TULP4: variants seen among roughly 807,000 people sequenced by gnomAD.
TULP4 encodes tubby-related protein 4.
TULP4 carries 16 observed loss-of-function variants against 129.0 expected under a neutral mutation model. That is an observed-to-expected ratio of 0.12 (90% CI 0.08 to 0.19). TULP4 has a LOEUF of 0.19. Ranked by LOEUF, TULP4 falls within the 10% of genes least tolerant of loss-of-function variation. The probability of loss-of-function intolerance (pLI) is 1.00; values close to 1 mark genes in which losing one functional copy is unlikely to be tolerated. For synonymous variants in TULP4, 998 were observed against 854.0 expected (o/e 1.17, Z -2.94); for missense variants, 1,842 against 2,059.1 (o/e 0.89, Z 2.04).
rs57349259 is a variant in TULP4, at chr6:158,392,985, T to TA, written c.253-20064dup. Among the ~76,000 whole-genome samples, 338 of 138,486 alleles carry TA rather than the reference T, an allele frequency of 2.4e-3. 1 individual carries two copies. The highest frequency in any genetic ancestry group is 8.5e-3 in the African/African-American group (329 of 38,768). The allele number at this position is 138,486 out of a possible 152,430, so 90.9% of individuals were successfully genotyped here. On this transcript the variant is annotated intron_variant, in intron 1 of 13. Coordinates refer to ENST00000367097, the MANE Select transcript of TULP4 (RefSeq NM_020245.5). ...GACAGAGTGAGACTCTGTCTGTATT[T>TA]AAAAAAAAAAAAAAAATCAACAACA...
intron 2 of TULP4, among the ~76,000 whole-genome samples, chr6:158,416,390 A>C (rs1778208640): frequency 6.6e-6 from 1 of 152,210 alleles, no homozygotes; most frequent in African/African-American, 2.4e-5. Flanking sequence ...AGTGATATGA[A>C]TGATCCTGAC....
At chr6:158,283,382 T>G (rs893991928) in intron 1 of TULP4, among the ~76,000 whole-genome samples, 4 of 152,210 alleles carry the variant, frequency 2.6e-5, no homozygotes, top group Admixed American at 2.6e-4. Context: ...AAGCCCCTGG[T>G]GGTAGTTCAC....
At chr6:158,379,506 G>C (rs1394755375) in intron 1 of TULP4, among the ~76,000 whole-genome samples, 2 of 152,220 alleles carry the variant, frequency 1.3e-5, no homozygotes, top group African/African-American at 4.8e-5. Flanking sequence ...GGGGCAGAGT[G>C]TAATGTTTCA....
At chr6:158,320,644 C>T (rs1319220481) in intron 1 of TULP4, among the ~76,000 whole-genome samples, 1 of 152,142 alleles carries the variant, frequency 6.6e-6, no homozygotes, top group Non-Finnish European at 1.5e-5. Flanking sequence ...GTTGACCAGG[C>T]TGGTCTCAAA....
intron 1 of TULP4, among the ~76,000 whole-genome samples, chr6:158,268,058 G>A (rs1423658449): frequency 5.1e-5 from 4 of 78,050 alleles, no homozygotes; most frequent in South Asian, 3.6e-4. Context: ...TTTTTGAGAC[G>A]TACTTTTGCT....
intron 6 of TULP4, among the ~76,000 whole-genome samples, chr6:158,473,797 G>A (rs1242103171): frequency 6.6e-6 from 1 of 152,146 alleles, no homozygotes; most frequent in Non-Finnish European, 1.5e-5. Flanking sequence ...TGGGATTACA[G>A]GAGTGAGCCA....
chr6:158,316,556 T>C (rs1017639638), intron 1 of TULP4, among the ~76,000 whole-genome samples: 1 of 152,210 alleles, frequency 6.6e-6, no homozygotes, highest in Non-Finnish European at 1.5e-5. Context: ...ATGCACACAT[T>C]TCCCCCCCTC....
At chr6:158,383,868 T>C (rs1046000061) in intron 1 of TULP4, among the ~76,000 whole-genome samples, 1 of 152,206 alleles carries the variant, frequency 6.6e-6, no homozygotes, top group African/African-American at 2.4e-5. Flanking sequence ...ATGGACACAC[T>C]TGTTAGGCTA....
chr6:158,239,242 C>A (rs1404023689), intron 1 of TULP4, among the ~76,000 whole-genome samples: 1 of 77,278 alleles, frequency 1.3e-5, no homozygotes. Context: ...GGCTGACCCC[C>A]CCACCTCCCT....
At chr6:158,306,375 T>C (rs1779216432) in intron 1 of TULP4, among the ~76,000 whole-genome samples, 2 of 152,130 alleles carry the variant, frequency 1.3e-5, no homozygotes, top group African/African-American at 4.8e-5. Flanking sequence ...TGGGCAACAT[T>C]GGGAAACCCT....
chr6:158,286,660 T>C (rs980363016), intron 1 of TULP4, among the ~76,000 whole-genome samples: 11 of 152,228 alleles, frequency 7.2e-5, no homozygotes, highest in African/African-American at 2.7e-4. Flanking sequence ...GGGATATTTT[T>C]AGCTACTTGG....
At chr6:158,432,111 T>TAAA (rs1205023265) in intron 3 of TULP4, among the ~76,000 whole-genome samples, 3 of 107,214 alleles carry the variant, frequency 2.8e-5, no homozygotes, top group African/African-American at 7.0e-5. Flanking sequence ...AAAAAAAAAT[T>TAAA]AAAAAAAAAA....
At chr6:158,239,681 CA>C (rs1777815984) in intron 1 of TULP4, among the ~76,000 whole-genome samples, 1 of 67,486 alleles carries the variant, frequency 1.5e-5, no homozygotes, top group Non-Finnish European at 3.3e-5. Flanking sequence ...GCTGGCCGGG[CA>C]GAGGGGCTCC....
chr6:158,314,974 C>T (rs1227129928), intron 1 of TULP4, among the ~76,000 whole-genome samples: 3 of 152,124 alleles, frequency 2.0e-5, no homozygotes, highest in Non-Finnish European at 2.9e-5. Flanking sequence ...TAAAGAAGAG[C>T]GTGATTGGTA....
intron 3 of TULP4, among the ~76,000 whole-genome samples, chr6:158,432,005 TC>T (rs2115065560): frequency 6.6e-6 from 1 of 151,088 alleles, no homozygotes; most frequent in African/African-American, 2.4e-5. Context: ...GTGCCTGTTG[TC>T]TCAGCTAGTC....
At chr6:158,309,719 T>G (rs1779303303), upstream of TULP4, among the ~76,000 whole-genome samples, 3 of 151,700 alleles carry the variant, frequency 2.0e-5, no homozygotes, top group Admixed American at 2.0e-4. Flanking sequence ...CGAAACCCCG[T>G]CTCCACCAAA....
At chr6:158,350,014 C>T (rs1183179670) in intron 1 of TULP4, among the ~76,000 whole-genome samples, 5 of 135,192 alleles carry the variant, frequency 3.7e-5, no homozygotes, top group Admixed American at 7.5e-5. Flanking sequence ...ACTTCCCAGG[C>T]GGGGCAGCCG....
At chr6:158,457,713 CTTTG>C (rs762886272) in intron 5 of TULP4, among the ~76,000 whole-genome samples, 8 of 152,146 alleles carry the variant, frequency 5.3e-5, no homozygotes, top group Non-Finnish European at 7.3e-5. Flanking sequence ...AACCCCTGAG[CTTTG>C]TTTGTGTTTT....
At chr6:158,461,032 A>T (rs1779410407) in intron 5 of TULP4, among the ~76,000 whole-genome samples, 1 of 152,234 alleles carries the variant, frequency 6.6e-6, no homozygotes, top group Non-Finnish European at 1.5e-5. Context: ...GTTTCAGTAA[A>T]CTACAATCCC....
Sources: gnomAD v4.1 joint callset for allele counts (sites outside exome capture counted in the v4.1 genomes callset) on GRCh38, gnomAD v4.1.1 for gene constraint, MANE v1.5 for transcripts, NCBI Gene and HGNC (gene_info 2026-07-23, HGNC 2026-07-21) for gene names.